Variants in TARS1 observed in about 807,000 individuals in gnomAD.
The protein encoded by TARS1 is threonine--tRNA ligase 1, cytoplasmic.
In TARS1, 57 loss-of-function variants were observed where a neutral mutation model predicts 97.7. The observed-to-expected ratio is 0.58, with a 90% CI of 0.47 to 0.73. The LOEUF (loss-of-function observed/expected upper bound fraction) is 0.73, where lower values mean the gene tolerates loss of function less well. Among genes scored for constraint, TARS1 ranks in the 30% least tolerant of loss-of-function variants. TARS1 has a pLI of 0.00. For synonymous variants in TARS1, 312 were observed against 293.7 expected, an observed-to-expected ratio of 1.06 and a Z score of -0.64; for missense variants, 806 against 888.3, an observed-to-expected ratio of 0.91 and a Z score of 1.18.
At chr5:33,460,007 C>A in intron 11 of TARS1, 146 bp downstream of exon 11, 4 of 758,828 alleles carry the variant, frequency 5.3e-6, no homozygotes, top group Non-Finnish European at 7.8e-6. Flanking sequence ...ATTATATCTT[C>A]TGCACCTGAT....
chr5:33,467,535 A>G (rs751063228), intron 18 of TARS1, 25 bp from the exon 19 acceptor site: 2 of 1,604,690 alleles, frequency 1.2e-6, no homozygotes, highest in South Asian at 2.2e-5. Flanking sequence ...ATTAAGTCTG[A>G]CAAAGCTTTG....
intron 16 of TARS1, among the ~76,000 whole-genome samples, chr5:33,462,524 G>T (rs1406294965): frequency 6.6e-6 from 1 of 152,128 alleles, no homozygotes; most frequent in Non-Finnish European, 1.5e-5. Context: ...TTTGTTTTGG[G>T]ATTTAGATGG....
rs201248221 is a variant in TARS1 at position 33,441,299 on chromosome 5, C to A, written c.57+156C>A. 549 of 770,794 alleles carry A rather than the reference C, an allele frequency of 7.1e-4. 7 individuals carry two copies. In the East Asian group the frequency reaches 0.014, roughly 19 times the overall value. The allele number at this position is 770,794 out of a possible 1,614,324, so 47.7% of individuals were successfully genotyped here. On this transcript the variant is annotated intron_variant, in intron 1 of 18. Coordinates refer to ENST00000265112, the MANE Select transcript of TARS1 (RefSeq NM_152295.5). ...GGTGGGACTCCTGGAAAGTCGGAAC[C>A]CCCTTTGGGAACCATCCATTCATAA... is the stretch of plus-strand genomic sequence containing the variant.
chr5:33,443,641 C>T (rs1451041965), intron 1 of TARS1, among the ~76,000 whole-genome samples: 1 of 151,770 alleles, frequency 6.6e-6, no homozygotes, highest in Admixed American at 6.6e-5. Flanking sequence ...TACAGGCACC[C>T]GCCACCACGC....
At chr5:33,462,484 A>G (rs1742342402) in intron 16 of TARS1, among the ~76,000 whole-genome samples, 1 of 152,218 alleles carries the variant, frequency 6.6e-6, no homozygotes, top group Non-Finnish European at 1.5e-5. Flanking sequence ...TAAGAAGTAT[A>G]CTTACTGTTT....
At chr5:33,440,838 T>C, upstream of TARS1, 2 of 548,978 alleles carry the variant, frequency 3.6e-6, no homozygotes, top group Non-Finnish European at 6.5e-6. Context: ...GCGACCTGAT[T>C]TCCTAGAAGG....
At chr5:33,454,875 C>T in intron 4 of TARS1, 70 bp from the exon 5 acceptor site, 2 of 1,558,028 alleles carry the variant, frequency 1.3e-6, no homozygotes, top group Middle Eastern at 1.7e-4. Context: ...CTGTCTCTTT[C>T]AGACAACCAC....
intron 2 of TARS1, among the ~76,000 whole-genome samples, chr5:33,447,277 C>T (rs1741465487): frequency 6.6e-6 from 1 of 152,212 alleles, no homozygotes; most frequent in African/African-American, 2.4e-5. Flanking sequence ...GACAAGGTCT[C>T]ACTCTGTTGC....
intron 2 of TARS1, among the ~76,000 whole-genome samples, chr5:33,448,093 G>A (rs995190856): frequency 1.3e-5 from 2 of 152,214 alleles, no homozygotes; most frequent in Non-Finnish European, 2.9e-5. Context: ...TTGAAGGGGA[G>A]ACCTTAAGTC....
chr5:33,465,351 T>C (rs1338223171), intron 17 of TARS1, among the ~76,000 whole-genome samples: 3 of 152,180 alleles, frequency 2.0e-5, no homozygotes, highest in Admixed American at 2.0e-4. Flanking sequence ...TTCCAGATTA[T>C]GTGGTGGTAA....
intron 16 of TARS1, among the ~76,000 whole-genome samples, chr5:33,463,493 A>G (rs901699529): frequency 1.1e-4 from 16 of 152,316 alleles, no homozygotes; most frequent in African/African-American, 3.6e-4. Context: ...CCTATCCTCA[A>G]TTTGCTTTGC....
intron 4 of TARS1, among the ~76,000 whole-genome samples, 193 bp from the exon 5 acceptor site, chr5:33,454,752 A>G (rs1480908483): frequency 9.3e-6 from 1 of 107,722 alleles, no homozygotes; most frequent in Admixed American, 9.1e-5. Context: ...ATAAAAATAC[A>G]CTAGTAATTG....
chr5:33,466,293 T>C (rs2111607925), intron 17 of TARS1: 1 of 152,358 alleles, frequency 6.6e-6, no homozygotes, highest in East Asian at 1.9e-4. Context: ...AAACATTTTT[T>C]ATACTCATTG....
intron 1 of TARS1, chr5:33,441,807 T>C: frequency 6.6e-6 from 1 of 152,198 alleles, no homozygotes; most frequent in African/African-American, 2.4e-5. Flanking sequence ...CTTTAGAATT[T>C]AGTTTGGAAG....
rs759432043 is a variant in TARS1 at position 33,453,340 on chromosome 5, G to T, written c.381G>T (p.Trp127Cys). 1.9e-6 allele frequency: 3 copies of T among 1,612,252 alleles called. No homozygotes were observed. The East Asian group carries it at 6.7e-5, about 36-fold the overall frequency. ...TVIAKVNNVV[W>C]DLDRPLEEDC... The stretch of plus-strand genomic sequence containing the variant: ...TTGCTAAAGTAAATAATGTTGTGTG[G>T]GACCTGGACCGCCCTCTGGAAGAAG... The change falls in exon 4 of 19, where the codon TGG becomes TGT. Residue 127 changes from tryptophan (W) to cysteine (C), a missense_variant. Trp to Cys is a radical substitution (Grantham distance 215, BLOSUM62 -2). This residue lies in a region of TARS1 where 356 missense variants were observed against 357.8 expected (regional missense o/e 0.99). Coordinates refer to ENST00000265112, the MANE Select transcript of TARS1 (RefSeq NM_152295.5).
chr5:33,441,719 G>A (rs77568569), intron 1 of TARS1: 3,770 of 153,062 alleles, frequency 0.025, 161 homozygotes, highest in African/African-American at 0.087. Flanking sequence ...ACAGGCTGAT[G>A]TGTAAGAGAC....
chr5:33,449,606 C>T (rs1420623699), intron 3 of TARS1, among the ~76,000 whole-genome samples: 1 of 151,390 alleles, frequency 6.6e-6, no homozygotes, highest in Non-Finnish European at 1.5e-5. Context: ...CAGGTGCCCG[C>T]CACCACGCCC....
At chr5:33,447,580 G>A (rs1220713206) in intron 2 of TARS1, among the ~76,000 whole-genome samples, 1 of 152,134 alleles carries the variant, frequency 6.6e-6, no homozygotes, top group African/African-American at 2.4e-5. Context: ...ATATTCCCTT[G>A]TACTCCTTTC....
At chr5:33,460,162 A>G (rs1455347027) in intron 11 of TARS1, among the ~76,000 whole-genome samples, 2 of 151,770 alleles carry the variant, frequency 1.3e-5, no homozygotes, top group Non-Finnish European at 2.9e-5. Flanking sequence ...TGTAGAGATG[A>G]GGTCTTGCCA....
Sources: allele counts gnomAD v4.1 joint callset (sites outside exome capture counted in the v4.1 genomes callset), GRCh38; gene constraint gnomAD v4.1.1; regional missense constraint gnomAD v4.1.1; transcripts MANE v1.5; gene names NCBI Gene and HGNC (gene_info 2026-07-23, HGNC 2026-07-21).